PAPPA2: variants seen among roughly 807,000 people sequenced by gnomAD.
PAPPA2 encodes the protein pappalysin 2.
PAPPA2 carries 86 observed loss-of-function variants against 176.4 expected under a neutral mutation model. The observed-to-expected ratio is 0.49, with a 90% CI of 0.41 to 0.58. The LOEUF (loss-of-function observed/expected upper bound fraction) is 0.58, where lower values mean the gene tolerates loss of function less well. Ranked by LOEUF, PAPPA2 falls within the 20% of genes least tolerant of loss-of-function variation. The pLI is 0.00. For missense variants in PAPPA2, 2,073 were observed against 2,256.9 expected (o/e 0.92, Z 1.65); for synonymous variants, 809 against 852.2 (o/e 0.95, Z 0.88).
In PAPPA2 at chr1:176,522,109, C is replaced by T. The variant is rs187399813; in HGVS notation, c.-916-33298C>T. ...GGAAAGTCTCACTGTTTCTTTTATG[C>T]TGTTTCTGTTTCACTTAAAATCAAC... On this transcript the variant is annotated intron_variant, in intron 1 of 22. Transcript: ENST00000367662. Among the ~76,000 whole-genome samples the T allele has an allele frequency of 5.9e-5, 9 of 152,296 alleles. No individual in the cohort carries two copies. The East Asian group carries it at 1.7e-3, about 29-fold the overall frequency.
intron 16 of PAPPA2, 106 bp downstream of exon 16, chr1:176,769,890 C>T (rs1664146963): frequency 4.1e-6 from 5 of 1,217,456 alleles, no homozygotes; most frequent in East Asian, 2.5e-5. Flanking sequence ...CCTATTTGCT[C>T]CACTGTGTCA....
chr1:176,714,622 C>A (rs1661290077), intron 12 of PAPPA2, among the ~76,000 whole-genome samples: 1 of 152,170 alleles, frequency 6.6e-6, no homozygotes, highest in Admixed American at 6.5e-5. Flanking sequence ...CTTTGAAAGA[C>A]CTCTGCTACC....
intron 14 of PAPPA2, among the ~76,000 whole-genome samples, chr1:176,761,360 A>G (rs1406895586): frequency 6.6e-6 from 1 of 152,186 alleles, no homozygotes; most frequent in Non-Finnish European, 1.5e-5. Flanking sequence ...ATCATATCTG[A>G]CAAGGTACAT....
At chr1:176,542,896 G>C (rs1040009300) in intron 1 of PAPPA2, among the ~76,000 whole-genome samples, 3 of 152,156 alleles carry the variant, frequency 2.0e-5, no homozygotes, top group African/African-American at 7.2e-5. Context: ...TTTAATAACA[G>C]ACCAGCAACA....
intron 3 of PAPPA2, among the ~76,000 whole-genome samples, chr1:176,635,811 G>C (rs903873575): frequency 1.1e-4 from 17 of 152,142 alleles, no homozygotes; most frequent in African/African-American, 4.1e-4. Context: ...CACGGTAGGA[G>C]AATGAACATT....
chr1:176,795,007 C>T (rs61821284), intron 20 of PAPPA2, among the ~76,000 whole-genome samples: 62,735 of 151,866 alleles, frequency 0.41, 14,390 homozygotes, highest in African/African-American at 0.6. Flanking sequence ...AGGGGGCAGC[C>T]GAATCGTCAA....
Position 176,624,741 on chromosome 1 carries a change from T to C in PAPPA2, c.1991+29146T>C, listed in dbSNP as rs540410668. Among the ~76,000 whole-genome samples the C allele has an allele frequency of 1.0e-3, 154 of 152,328 alleles. 1 individual carries two copies. The highest frequency in any genetic ancestry group is 2.0e-3 in the Non-Finnish European group (136 of 68,036). On this transcript the variant is annotated intron_variant, in intron 3 of 22. Transcript: ENST00000367662. ...TATCTCCATCCCAGTCCTACCTCTG[T>C]GCTTTCATATCATATTTATTTACAT...
chr1:176,676,591 G>C (rs138897627), intron 4 of PAPPA2, among the ~76,000 whole-genome samples: 149 of 152,206 alleles, frequency 9.8e-4, no homozygotes, highest in Admixed American at 1.6e-3. Flanking sequence ...GCACTACATG[G>C]TTGGAGGTTG....
chr1:176,513,897 A>G (rs1648756802), intron 1 of PAPPA2, among the ~76,000 whole-genome samples: 1 of 152,196 alleles, frequency 6.6e-6, no homozygotes, highest in South Asian at 2.1e-4. Flanking sequence ...ATGCTGTCCG[A>G]GGAGTCATGA....
chr1:176,542,075 G>A (rs963051480), intron 1 of PAPPA2, among the ~76,000 whole-genome samples: 1 of 152,156 alleles, frequency 6.6e-6, no homozygotes, highest in African/African-American at 2.4e-5. Flanking sequence ...TTTTAATCTA[G>A]TTGTGTCAGA....
At chr1:176,471,859 A>G (rs947266129) in intron 1 of PAPPA2, among the ~76,000 whole-genome samples, 3 of 151,842 alleles carry the variant, frequency 2.0e-5, no homozygotes, top group African/African-American at 7.3e-5. Context: ...CTGATTGGAC[A>G]CTCCTGATGA....
intron 1 of PAPPA2, among the ~76,000 whole-genome samples, chr1:176,481,252 G>T (rs1483697543): frequency 7.1e-6 from 1 of 140,212 alleles, no homozygotes; most frequent in Non-Finnish European, 1.5e-5. Context: ...AGATTTTAAA[G>T]CACACACACA....
In PAPPA2 at chr1:176,699,447, G is replaced by A; in HGVS notation, c.3094G>A (p.Asp1032Asn). 2 of 1,614,152 alleles carry A rather than the reference G, an allele frequency of 1.2e-6. No homozygotes were observed. The highest frequency in any genetic ancestry group is 1.7e-6 in the Non-Finnish European group (2 of 1,180,020). The change falls in exon 8 of 23, where the codon GAT (aspartate) becomes AAT (asparagine). Residue 1032 changes from aspartate to asparagine, a missense_variant. Asp to Asn is a conservative substitution (Grantham distance 23). Coordinates refer to ENST00000367662, the MANE Select transcript of PAPPA2 (RefSeq NM_020318.3). ...VYTFDERIEI[D>N]AALLTSQPHS... Reference sequence around the variant, plus strand: ...CACCTTTGATGAGAGGATAGAGATTGATGCAGCACTCCTGACTTCTCAGCC... The same window carrying A: ...CACCTTTGATGAGAGGATAGAGATTAATGCAGCACTCCTGACTTCTCAGCC...
chr1:176,644,293 A>G (rs1271512418), intron 3 of PAPPA2, among the ~76,000 whole-genome samples: 1 of 151,744 alleles, frequency 6.6e-6, no homozygotes, highest in South Asian at 2.1e-4. Flanking sequence ...GGAAGTCGTG[A>G]GCACCATCAG....
intron 1 of PAPPA2, among the ~76,000 whole-genome samples, chr1:176,518,953 G>A (rs566385850): frequency 7.2e-4 from 109 of 152,252 alleles, no homozygotes; most frequent in Non-Finnish European, 1.0e-3. Flanking sequence ...CACATATGTC[G>A]TTCTAGAGAG....
intron 12 of PAPPA2, among the ~76,000 whole-genome samples, chr1:176,716,349 G>A (rs113059166): frequency 6.0e-5 from 9 of 150,090 alleles, no homozygotes; most frequent in Admixed American, 2.0e-4. Context: ...GGGTTCAAGC[G>A]ATTCTCCTGC....
intron 21 of PAPPA2, among the ~76,000 whole-genome samples, chr1:176,832,605 G>A (rs964471862): frequency 1.4e-4 from 22 of 151,908 alleles, no homozygotes; most frequent in African/African-American, 4.6e-4. Context: ...CACCCACCTC[G>A]GCCTCCCAAA....
At chr1:176,565,728 G>A (rs1460220421) in intron 2 of PAPPA2, among the ~76,000 whole-genome samples, 2 of 152,144 alleles carry the variant, frequency 1.3e-5, no homozygotes, top group Non-Finnish European at 2.9e-5. Context: ...CGACATCACT[G>A]GTGAGTATGG....
In PAPPA2 at chr1:176,769,754, A is replaced by G. The variant is rs1446380813; in HGVS notation, c.4471A>G (p.Ile1491Val). The change falls in exon 16 of 23, where the codon ATC (isoleucine) becomes GTC (valine). Residue 1491 changes from isoleucine (I) to valine (V), a missense_variant. Ile to Val is a conservative substitution (Grantham distance 29). Around this residue, in one of 4 missense-constraint regions of PAPPA2, gnomAD observed 846 missense variants for 857.9 expected, o/e 0.99. Transcript: ENST00000367662. Reference sequence around the variant, plus strand: ...AACCAAATTTCTGAAACGCTGCTCAATCTCTTGTGTCCCACCAGCCAAGCT... The same window carrying G: ...AACCAAATTTCTGAAACGCTGCTCAGTCTCTTGTGTCCCACCAGCCAAGCT... ...EGTKFLKRCS[I>V]SCVPPAKLQG... is the part of the protein sequence containing the mutation. 2 of 1,611,508 alleles carry G rather than the reference A, an allele frequency of 1.2e-6. No homozygotes were observed. Among genetic ancestry groups the G allele is most frequent in the Admixed American group, 1.7e-5 (1 of 59,194 alleles).
Sources: allele counts gnomAD v4.1 joint callset (sites outside exome capture counted in the v4.1 genomes callset), GRCh38; gene constraint gnomAD v4.1.1; regional missense constraint gnomAD v4.1.1; transcripts MANE v1.5; gene names NCBI Gene and HGNC (gene_info 2026-07-23, HGNC 2026-07-21).